The following TRANK1 variants were observed in gnomAD, a reference collection of about 807,000 sequenced individuals.
TRANK1 encodes TPR and ankyrin repeat-containing protein 1.
TRANK1 carries 198 observed loss-of-function variants against 266.0 expected under a neutral mutation model. That is an observed-to-expected ratio of 0.74 (90% confidence interval 0.66 to 0.84). The LOEUF is 0.84. TRANK1 is among the 40% of genes least tolerant of loss of function. TRANK1 has a pLI of 0.00. For synonymous variants in TRANK1, 1,396 were observed against 1,384.1 expected (o/e 1.01, Z -0.19); for missense variants, 3,326 against 3,634.6 (o/e 0.92, Z 2.18).
At position 36,846,359 on chromosome 3, in the gene TRANK1, C is replaced by A; in HGVS notation, c.5080G>T (p.Ala1694Ser). ...TCAAAGATCCAGAGGTTGACCCGAG[C>A]CCGTGTGATGGCGGTGTACAGCTGC... is the stretch of plus-strand genomic sequence containing the variant. Reference protein sequence around the residue: ...LKQLYTAITRARVNLWIFDEN... With the variant: ...LKQLYTAITRSRVNLWIFDEN... Residue 1694 changes from alanine to serine, a missense_variant, in exon 17 of 24, where the codon GCT becomes TCT. Coordinates refer to ENST00000645898, the MANE Select transcript of TRANK1 (RefSeq NM_001329998.2). The A allele has an allele frequency of 6.2e-7, 1 of 1,613,808 alleles. No homozygotes were observed.
chr3:36,885,121 CAT>C (rs1466595161), intron 8 of TRANK1, among the ~76,000 whole-genome samples: 1 of 152,046 alleles, frequency 6.6e-6, no homozygotes, highest in South Asian at 2.1e-4. Context: ...CCAAGATACT[CAT>C]TAACTACAAA....
chr3:36,915,113 G>C (rs558504598), intron 1 of TRANK1, among the ~76,000 whole-genome samples: 2 of 152,104 alleles, frequency 1.3e-5, no homozygotes, highest in East Asian at 3.9e-4. Flanking sequence ...CACCACGCCC[G>C]GCTAATTTTT....
At chr3:36,936,652 C>T (rs1462880348) in intron 1 of TRANK1, among the ~76,000 whole-genome samples, 2 of 152,034 alleles carry the variant, frequency 1.3e-5, no homozygotes, top group East Asian at 3.9e-4. Context: ...AGAGTGTAAA[C>T]TCAGGCTAAA....
chr3:36,873,526 A>T (rs1376777867), intron 9 of TRANK1, among the ~76,000 whole-genome samples: 1 of 152,224 alleles, frequency 6.6e-6, no homozygotes, highest in Non-Finnish European at 1.5e-5. Flanking sequence ...CATTTACATA[A>T]TTATACTACC....
At chr3:36,913,154 G>C (rs901604406) in intron 1 of TRANK1, among the ~76,000 whole-genome samples, 9 of 151,876 alleles carry the variant, frequency 5.9e-5, no homozygotes, top group African/African-American at 2.2e-4. Flanking sequence ...CCATTCTCCT[G>C]CTTCAGCTTC....
chr3:36,916,684 T>A lies in TRANK1; in HGVS notation c.24-8230A>T, dbSNP rs192521491. Among the ~76,000 whole-genome samples, 272 of 152,318 alleles carry A rather than the reference T, an allele frequency of 1.8e-3. 1 individual carries two copies. Among genetic ancestry groups the A allele is most frequent in the African/African-American group, 6.3e-3 (262 of 41,576 alleles). On this transcript the variant is annotated intron_variant, in intron 1 of 23. Transcript: ENST00000645898. ...GCAGCCAATAAGAGTTCCTGATGAA[T>A]TTCATGGGCTTGAGAGTGGAAGGCA... is the stretch of plus-strand genomic sequence containing the variant.
Position 36,838,151 on chromosome 3 carries a change from A to G in TRANK1, c.5517+221T>C, listed in dbSNP as rs11916979. ...TGAATATTAACACAGACATTAACAC[A>G]CAAACACACACACACACACGCACAT... On this transcript the variant is annotated intron_variant, in intron 20 of 23. Coordinates refer to ENST00000645898, the MANE Select transcript of TRANK1 (RefSeq NM_001329998.2). 4.5e-3 allele frequency among the ~76,000 whole-genome samples: 688 copies of G among 152,286 alleles called. 6 individuals are homozygous for G. Among genetic ancestry groups the G allele is most frequent in the African/African-American group, 0.016 (659 of 41,554 alleles).
At chr3:36,924,095 C>G (rs1405409359) in intron 1 of TRANK1, among the ~76,000 whole-genome samples, 1 of 152,178 alleles carries the variant, frequency 6.6e-6, no homozygotes, top group Non-Finnish European at 1.5e-5. Flanking sequence ...ATCAGGTGAC[C>G]TCGGACAGCC....
At chr3:36,930,120 T>C (rs886577172) in intron 1 of TRANK1, among the ~76,000 whole-genome samples, 1 of 152,166 alleles carries the variant, frequency 6.6e-6, no homozygotes, top group Non-Finnish European at 1.5e-5. Flanking sequence ...GTGATCCACC[T>C]GCCTCTGCCT....
rs115677891 is a variant in TRANK1, at chr3:36,841,236, T to A, written c.5280+1386A>T. ...CCATAGAAAACACTGTTGCAAAACA[T>A]TTGTTCCAAAGCGGCAAGAGAAAGT... is the stretch of plus-strand genomic sequence containing the variant. On this transcript the variant is annotated intron_variant, in intron 18 of 23. Coordinates refer to ENST00000645898, the MANE Select transcript of TRANK1 (RefSeq NM_001329998.2). Among the ~76,000 whole-genome samples the A allele has an allele frequency of 2.2e-3, 332 of 152,340 alleles. 2 individuals carry two copies. Among genetic ancestry groups the A allele is most frequent in the African/African-American group, 7.3e-3 (304 of 41,586 alleles).
At chr3:36,903,020 A>T in intron 3 of TRANK1, 129 bp downstream of exon 3, 1 of 1,225,862 alleles carries the variant, frequency 8.2e-7, no homozygotes, top group African/African-American at 1.5e-5. Flanking sequence ...GCAGGCTAAA[A>T]GGAAGGAGGC....
chr3:36,842,180 CT>C (rs1201831130), intron 18 of TRANK1, among the ~76,000 whole-genome samples: 1 of 152,192 alleles, frequency 6.6e-6, no homozygotes, highest in East Asian at 1.9e-4. Flanking sequence ...AATAAAAAGC[CT>C]TAACCTATCT....
At chr3:36,917,591 T>C (rs565103026) in intron 1 of TRANK1, among the ~76,000 whole-genome samples, 7 of 150,020 alleles carry the variant, frequency 4.7e-5, no homozygotes, top group African/African-American at 1.8e-4. Flanking sequence ...CAGGAGATGT[T>C]GGAAGTTTGG....
chr3:36,838,366 C>T lies in TRANK1; in HGVS notation c.5517+6G>A. ...CCCTGGAGCAGCAGCGGACTAGGAG[C>T]CATACCTTTCCCAGCCTCTCGCACA... is the stretch of plus-strand genomic sequence containing the variant. On this transcript the variant is annotated splice_donor_region_variant and intron_variant, in intron 20 of 23. Transcript: ENST00000645898. 6.2e-7 allele frequency: 1 copy of T among 1,613,830 alleles called. No individual in the cohort carries two copies. Among genetic ancestry groups the T allele is most frequent in the Non-Finnish European group, 8.5e-7 (1 of 1,179,800 alleles).
At chr3:36,849,297 C>A (rs905904295) in intron 15 of TRANK1, among the ~76,000 whole-genome samples, 1 of 152,182 alleles carries the variant, frequency 6.6e-6, no homozygotes, top group African/African-American at 2.4e-5. Flanking sequence ...TAAGTCCCCA[C>A]AGAAGGATAG....
At chr3:36,917,444 G>A (rs1367210418) in intron 1 of TRANK1, among the ~76,000 whole-genome samples, 1 of 152,150 alleles carries the variant, frequency 6.6e-6, no homozygotes, top group Non-Finnish European at 1.5e-5. Flanking sequence ...CAACAGCAGG[G>A]GAAGGAGGAG....
At chr3:36,909,314 C>T (rs1307427709) in intron 1 of TRANK1, among the ~76,000 whole-genome samples, 1 of 152,178 alleles carries the variant, frequency 6.6e-6, no homozygotes, top group Non-Finnish European at 1.5e-5. Flanking sequence ...TACTGATTTT[C>T]TCCAGTGTGG....
chr3:36,904,441 A>C (rs2125626142), intron 2 of TRANK1, among the ~76,000 whole-genome samples: 1 of 151,650 alleles, frequency 6.6e-6, no homozygotes, highest in South Asian at 2.1e-4. Flanking sequence ...AATCGTTTGA[A>C]CCCAGGAGGA....
rs1305341427 is a variant in TRANK1, at chr3:36,880,048, AAACATACAAATATATG to A, written c.908-5768_908-5753del. The A allele has an allele frequency of 2.2e-3, 189 of 85,776 alleles. 58 individuals are homozygous for A. Among genetic ancestry groups the A allele is most frequent in the African/African-American group, 4.1e-3 (91 of 22,120 alleles). The allele number at this position is 85,776 out of a possible 1,614,324, so 5.3% of individuals were successfully genotyped here. On this transcript the variant is annotated intron_variant, in intron 8 of 23. Transcript: ENST00000645898. ...TATATGTAAACATGCAAATATATGT[AAACATACAAATATATG>A]TAAACATGCAAATATATATAAACAT...
Sources: allele counts gnomAD v4.1 joint callset (sites outside exome capture counted in the v4.1 genomes callset), GRCh38; gene constraint gnomAD v4.1.1; transcripts MANE v1.5; gene names NCBI Gene and HGNC (gene_info 2026-07-23, HGNC 2026-07-21).